The following CCDC6 variants were observed in gnomAD, a reference collection of about 807,000 sequenced individuals.
CCDC6 encodes coiled-coil domain containing 6.
A neutral mutation model predicts 56.6 loss-of-function variants in CCDC6; 20 were observed. The ratio of observed to expected loss-of-function variants is 0.35; its 90% CI spans 0.25 to 0.51. The LOEUF is 0.51. CCDC6 is among the 20% of genes least tolerant of loss of function. The pLI is 0.95. For missense variants in CCDC6, 367 were observed against 601.1 expected, an observed-to-expected ratio of 0.61 and a Z score of 4.07; for synonymous variants, 241 against 234.4, an observed-to-expected ratio of 1.03 and a Z score of -0.26.
chr10:59,851,922 A>AG (rs76714312), intron 2 of CCDC6, among the ~76,000 whole-genome samples: 62,789 of 150,124 alleles, frequency 0.42, 13,316 homozygotes, highest in Middle Eastern at 0.46. Context: ...AAGCTTTGAA[A>AG]GGGGGAAAAA....
chr10:59,792,957 G>C lies in CCDC6; in HGVS notation c.1385C>G (p.Thr462Ser). 1 of 1,612,364 alleles carries C rather than the reference G, an allele frequency of 6.2e-7. No individual in the cohort carries two copies. Among genetic ancestry groups the C allele is most frequent in the South Asian group, 1.1e-5 (1 of 90,672 alleles). The change falls in exon 9 of 9, where the codon ACT becomes AGT. Residue 462 changes from threonine to serine, a missense_variant. Thr to Ser is a moderately conservative substitution (Grantham distance 58, BLOSUM62 1). Coordinates refer to ENST00000263102, the MANE Select transcript of CCDC6 (RefSeq NM_005436.5). ...GGGGTGCGCCGAATGTTGCGAAGGA[G>C]TAGGCTGCGAGGTGGCTGCTGAGGG... ...TVPSAATSQPTPSQHSAHPSS... is the reference protein window; with the variant it reads ...TVPSAATSQPSPSQHSAHPSS...
intron 7 of CCDC6, among the ~76,000 whole-genome samples, chr10:59,798,219 T>G (rs1165648972): frequency 6.6e-6 from 1 of 152,242 alleles, no homozygotes; most frequent in African/African-American, 2.4e-5. Context: ...TGACAATTAC[T>G]CTGAACATAC....
chr10:59,824,059 A>G (rs2070767654), intron 3 of CCDC6, among the ~76,000 whole-genome samples: 1 of 152,196 alleles, frequency 6.6e-6, no homozygotes, highest in African/African-American at 2.4e-5. Flanking sequence ...ATCATGTAAC[A>G]TCATCTGTAC....
chr10:59,842,195 T>C (rs577979714), intron 2 of CCDC6, among the ~76,000 whole-genome samples: 5 of 151,774 alleles, frequency 3.3e-5, no homozygotes, highest in Non-Finnish European at 7.4e-5. Flanking sequence ...GCGTGCACCA[T>C]CACACCCCAC....
rs866277972 is a variant in CCDC6, at chr10:59,792,858, G to A, written c.*59C>T. On this transcript the variant is annotated 3_prime_UTR_variant, in exon 9 of 9. Coordinates refer to ENST00000263102, the MANE Select transcript of CCDC6 (RefSeq NM_005436.5). ...TATGCCAGAGAAGGAAGCCTTTGGC[G>A]TTGAGTAGACGGCTCCATTGGATGA... is the stretch of plus-strand genomic sequence containing the variant. 10 of 1,541,294 alleles carry A rather than the reference G, an allele frequency of 6.5e-6. No individual in the cohort carries two copies. Among genetic ancestry groups the A allele is most frequent in the Middle Eastern group, 1.7e-4 (1 of 5,906 alleles).
In CCDC6 at chr10:59,906,372, C is replaced by A. The variant is rs200683186; in HGVS notation, c.53G>T (p.Ser18Ile). The change falls in exon 1 of 9, where the codon AGC becomes ATC. Residue 18 changes from serine (S) to isoleucine (I), a missense_variant. Physicochemically the swap from Ser to Ile is moderately radical, Grantham distance 142. Transcript: ENST00000263102. Reference protein sequence around the residue: ...SDTDGAGGNSSSSAAMQSSCS... With the variant: ...SDTDGAGGNSISSAAMQSSCS... ...GGACGACTGCATGGCGGCCGAGCTGCTGCTGTTGCCCCCCGCCCCGTCCGT... is the reference window on the plus strand; with the variant it reads ...GGACGACTGCATGGCGGCCGAGCTGATGCTGTTGCCCCCCGCCCCGTCCGT... 6.3e-7 allele frequency: 1 copy of A among 1,593,300 alleles called. No individual in the cohort carries two copies. Among genetic ancestry groups the A allele is most frequent in the African/African-American group, 1.3e-5 (1 of 74,522 alleles).
intron 1 of CCDC6, among the ~76,000 whole-genome samples, chr10:59,895,241 G>A (rs768759392): frequency 2.0e-4 from 30 of 152,180 alleles, no homozygotes; most frequent in Non-Finnish European, 4.1e-4. Flanking sequence ...GGTCGAGGCT[G>A]CAGTCAACAA....
At chr10:59,810,809 A>C (rs757734421) in intron 5 of CCDC6, among the ~76,000 whole-genome samples, 14 of 152,138 alleles carry the variant, frequency 9.2e-5, no homozygotes, top group Non-Finnish European at 1.9e-4. Flanking sequence ...AAATGCTACT[A>C]ACCTCACTTG....
intron 1 of CCDC6, among the ~76,000 whole-genome samples, chr10:59,880,628 A>T (rs1032149272): frequency 5.3e-5 from 8 of 152,216 alleles, no homozygotes; most frequent in Admixed American, 1.3e-4. Flanking sequence ...TACACTTACC[A>T]TATGTGTATA....
chr10:59,897,693 A>T (rs1389889766), intron 1 of CCDC6, among the ~76,000 whole-genome samples: 1 of 152,208 alleles, frequency 6.6e-6, no homozygotes, highest in Non-Finnish European at 1.5e-5. Context: ...AATCTCAACA[A>T]GCAGACAGCA....
At position 59,792,881 on chromosome 10, in the gene CCDC6, T is replaced by G; in HGVS notation, c.*36A>C. On this transcript the variant is annotated 3_prime_UTR_variant, in exon 9 of 9. Coordinates refer to ENST00000263102, the MANE Select transcript of CCDC6 (RefSeq NM_005436.5). ...GCGTTGAGTAGACGGCTCCATTGGATGAGTCCCAACTTGAAATTCAGACTA... is the reference window on the plus strand; with the variant it reads ...GCGTTGAGTAGACGGCTCCATTGGAGGAGTCCCAACTTGAAATTCAGACTA... The G allele has an allele frequency of 6.9e-6, 11 of 1,603,408 alleles. No homozygotes were observed. The highest frequency in any genetic ancestry group is 1.1e-5 in the South Asian group (1 of 90,778).
chr10:59,811,810 C>T lies in CCDC6; in HGVS notation c.847+825G>A, dbSNP rs545590996. 4.0e-5 allele frequency among the ~76,000 whole-genome samples: 6 copies of T among 151,614 alleles called. No individual in the cohort carries two copies. The South Asian group carries it at 1.0e-3, about 26-fold the overall frequency. On this transcript the variant is annotated intron_variant, in intron 5 of 8. Coordinates refer to ENST00000263102, the MANE Select transcript of CCDC6 (RefSeq NM_005436.5). ...GTTGTGGATGCAGAACCTCCAGATA[C>T]GAAGGGACAACTGTATTTATTGAAA...
At chr10:59,884,231 C>T (rs2071366668) in intron 1 of CCDC6, among the ~76,000 whole-genome samples, 1 of 152,038 alleles carries the variant, frequency 6.6e-6, no homozygotes. Context: ...AAAGCAACCC[C>T]TTCAAAACAA....
chr10:59,812,846 G>T lies in CCDC6; in HGVS notation c.687-51C>A, dbSNP rs182488934. 3.7e-4 allele frequency: 519 copies of T among 1,394,288 alleles called. 4 individuals carry two copies. The Admixed American group carries it at 9.2e-3, about 25-fold the overall frequency. 86.4% of individuals were successfully genotyped at this position (1,394,288 alleles called of 1,614,324 possible). On this transcript the variant is annotated intron_variant, in intron 4 of 8. Coordinates refer to ENST00000263102, the MANE Select transcript of CCDC6 (RefSeq NM_005436.5). ...AATGACTAACAGTTTTCCTTGAAAA[G>T]ACAAAACAACATACTAGCTGGCAGG...
chr10:59,817,243 C>G (rs773291944), intron 3 of CCDC6, among the ~76,000 whole-genome samples: 1 of 152,124 alleles, frequency 6.6e-6, no homozygotes, highest in South Asian at 2.1e-4. Flanking sequence ...TGCAGTGGCA[C>G]GATCATGGAT....
At chr10:59,864,811 A>G (rs1031604220) in intron 1 of CCDC6, among the ~76,000 whole-genome samples, 1 of 152,184 alleles carries the variant, frequency 6.6e-6, no homozygotes. Context: ...GAAACAGTAT[A>G]GACCTCCTCA....
intron 6 of CCDC6, chr10:59,805,174 C>T (rs906236761): frequency 6.6e-6 from 1 of 152,498 alleles, no homozygotes; most frequent in Non-Finnish European, 1.5e-5. Context: ...AGCTTACACT[C>T]TGTGAAATGA....
At chr10:59,831,460 G>A (rs1381557218) in intron 3 of CCDC6, among the ~76,000 whole-genome samples, 3 of 152,170 alleles carry the variant, frequency 2.0e-5, no homozygotes, top group Non-Finnish European at 2.9e-5. Context: ...ATATTCAAAC[G>A]AGAGCGGTCC....
At chr10:59,900,097 A>G (rs1171823) in intron 1 of CCDC6, among the ~76,000 whole-genome samples, 143,699 of 152,186 alleles carry the variant, frequency 0.94, 68,331 homozygotes, top group Middle Eastern at 1. Flanking sequence ...GGTGTTTCTC[A>G]CATGCCAAGC....
Sources: gnomAD v4.1 joint callset for allele counts (sites outside exome capture counted in the v4.1 genomes callset) on GRCh38, gnomAD v4.1.1 for gene constraint, MANE v1.5 for transcripts, NCBI Gene and HGNC (gene_info 2026-07-23, HGNC 2026-07-21) for gene names.